The following SAGE1 variants were observed in gnomAD, a reference collection of about 807,000 sequenced individuals.
SAGE1 encodes the protein sarcoma antigen 1, also known as cancer/testis antigen 14.
In SAGE1, 55 loss-of-function variants were observed where a neutral mutation model predicts 55.4. The observed-to-expected ratio is 0.99, with a 90% CI of 0.80 to 1.24. The LOEUF (loss-of-function observed/expected upper bound fraction) is 1.24, where lower values mean the gene tolerates loss of function less well. Ranked by LOEUF, SAGE1 falls within the 50% of genes most tolerant of loss-of-function variation. The pLI, the probability that SAGE1 is intolerant of heterozygous loss-of-function variation, is 0.00. For missense variants in SAGE1, 710 were observed against 704.4 expected, an observed-to-expected ratio of 1.01 and a Z score of -0.09; for synonymous variants, 240 against 244.3, an observed-to-expected ratio of 0.98 and a Z score of 0.17.
intron 3 of SAGE1, among the ~76,000 whole-genome samples, chrX:135,902,293 A>G (rs1167230609): frequency 3.0e-4 from 33 of 111,788 alleles, no homozygotes; most frequent in Admixed American, 2.8e-3. Context: ...TTATACTTCT[A>G]CACTACAACT....
At chrX:135,903,685 G>A (rs1341995049) in intron 3 of SAGE1, among the ~76,000 whole-genome samples, 2 of 112,216 alleles carry the variant, frequency 1.8e-5, no homozygotes, top group Non-Finnish European at 3.8e-5. Flanking sequence ...AAAGGAGGCA[G>A]GTTAAGGAGG....
intron 4 of SAGE1, among the ~76,000 whole-genome samples, chrX:135,904,821 A>G (rs5930813): frequency 0.15 from 16,485 of 110,789 alleles, 1,020 homozygotes; most frequent in Non-Finnish European, 0.18. Context: ...GGGTTGACAT[A>G]ATGCACTTAC....
intron 12 of SAGE1, 43 bp downstream of exon 12, chrX:135,908,660 A>G: frequency 8.9e-7 from 1 of 1,122,552 alleles, no homozygotes; most frequent in East Asian, 3.0e-5. Flanking sequence ...TGATTTCCAT[A>G]TGCATGCATA....
rs372150277 is a variant in SAGE1 at position 135,912,456 on chromosome X, C to T, written c.2615+42C>T. 1.5e-5 allele frequency: 18 copies of T among 1,189,994 alleles called. No individual in the cohort carries two copies. In the African/African-American group the frequency reaches 1.6e-4, roughly 11 times the overall value. On this transcript the variant is annotated intron_variant, in intron 19 of 19. Transcript: ENST00000370709. ...ACTGTGCTATTGTTTTAAGCACTTG[C>T]GCCCAATTTGGGACAGGGGCAGGAA...
chrX:135,907,952 G>A, intron 10 of SAGE1, 111 bp downstream of exon 10: 1 of 1,065,060 alleles, frequency 9.4e-7, no homozygotes, highest in Non-Finnish European at 1.3e-6. Flanking sequence ...CTCAATTTTA[G>A]GGTTTTCAAT....
chrX:135,908,981 C>T lies in SAGE1; in HGVS notation c.1559C>T (p.Pro520Leu), dbSNP rs1556604360. ...QLGHMAAGGI[P>L]SMSTKDLYAT... Reference sequence around the variant, plus strand: ...GGTCATATGGCTGCAGGTGGTATTCCATCCATGAGTACCAAGGATCTGTGT... The same window carrying T: ...GGTCATATGGCTGCAGGTGGTATTCTATCCATGAGTACCAAGGATCTGTGT... The change falls in exon 13 of 20, where the codon CCA (proline) becomes CTA (leucine). Residue 520 changes from proline to leucine, a missense_variant. Pro to Leu is a moderately conservative substitution (Grantham distance 98). Coordinates refer to ENST00000370709, the MANE Select transcript of SAGE1 (RefSeq NM_001381902.1). 1 of 1,208,488 alleles carries T rather than the reference C, an allele frequency of 8.3e-7. No homozygotes were observed. The highest frequency in any genetic ancestry group is 1.8e-5 in the South Asian group (1 of 56,803).
Position 135,908,944 on chromosome X carries a change from G to A in SAGE1, c.1522G>A (p.Ala508Thr). 8.3e-7 allele frequency: 1 copy of A among 1,208,919 alleles called. No individual in the cohort carries two copies. Among genetic ancestry groups the A allele is most frequent in the Non-Finnish European group, 1.1e-6 (1 of 893,209 alleles). Residue 508 changes from alanine to threonine, a missense_variant, in exon 13 of 20, where the codon GCA becomes ACA. Coordinates refer to ENST00000370709, the MANE Select transcript of SAGE1 (RefSeq NM_001381902.1). ...AACTGATAAGGTCATATCAAATGAT[G>A]CACCACAGCTTGGTCATATGGCTGC... ...PQTDKVISND[A>T]PQLGHMAAGG... is the part of the protein sequence containing the mutation.
Position 135,905,240 on chromosome X carries a change from A to G in SAGE1, c.314-12A>G. On this transcript the variant is annotated splice_polypyrimidine_tract_variant and intron_variant, in intron 4 of 19. Transcript: ENST00000370709. The stretch of plus-strand genomic sequence containing the variant: ...CATACCTCACAACTCAACCTGTTCC[A>G]TCGGTTTCCAGATGCTACCATCGCT... 4 of 1,203,691 alleles carry G rather than the reference A, an allele frequency of 3.3e-6. No individual in the cohort carries two copies. Among genetic ancestry groups the G allele is most frequent in the Non-Finnish European group, 4.5e-6 (4 of 889,851 alleles).
chrX:135,906,912 C>T lies in SAGE1; in HGVS notation c.737-14C>T. On this transcript the variant is annotated splice_polypyrimidine_tract_variant and intron_variant, in intron 7 of 19. Coordinates refer to ENST00000370709, the MANE Select transcript of SAGE1 (RefSeq NM_001381902.1). Reference sequence around the variant, plus strand: ...CACTTACCTAACAGCTCAGCCTCTTCATTTGGTTTCCAGATGCTACCATCA... The same window carrying T: ...CACTTACCTAACAGCTCAGCCTCTTTATTTGGTTTCCAGATGCTACCATCA... 1 of 1,206,589 alleles carries T rather than the reference C, an allele frequency of 8.3e-7. No homozygotes were observed.
chrX:135,901,011 C>T (rs1401502841), intron 2 of SAGE1, among the ~76,000 whole-genome samples: 3 of 108,292 alleles, frequency 2.8e-5, no homozygotes, highest in African/African-American at 6.7e-5. Context: ...GGCGTGGTGG[C>T]GGGTGCCTGT....
At chrX:135,898,115 T>G (rs2088615096) in intron 2 of SAGE1, among the ~76,000 whole-genome samples, 1 of 111,700 alleles carries the variant, frequency 9.0e-6, no homozygotes, top group Non-Finnish European at 1.9e-5. Flanking sequence ...CCTCCCGGGC[T>G]CATGCCATTC....
At chrX:135,912,584 A>T in intron 19 of SAGE1, 170 bp downstream of exon 19, 1 of 753,774 alleles carries the variant, frequency 1.3e-6, no homozygotes, top group Non-Finnish European at 1.6e-6. Context: ...ACTTTCTTCC[A>T]ATACCATGGA....
chrX:135,906,429 A>G lies in SAGE1; in HGVS notation c.614A>G (p.Asn205Ser). ...ARDLYATVTHNVCEQKMENVQ... is the reference protein window; with the variant it reads ...ARDLYATVTHSVCEQKMENVQ... The stretch of plus-strand genomic sequence containing the variant: ...TTTCCAGATGCTACAGTCACTCACA[A>G]TGTCTGTGAACAGAAGATGGAAAAT... The change falls in exon 7 of 20, where the codon AAT becomes AGT. Residue 205 changes from asparagine to serine, a missense_variant. Coordinates refer to ENST00000370709, the MANE Select transcript of SAGE1 (RefSeq NM_001381902.1). 1 of 1,210,849 alleles carries G rather than the reference A, an allele frequency of 8.3e-7. No individual in the cohort carries two copies. The highest frequency in any genetic ancestry group is 1.1e-6 in the Non-Finnish European group (1 of 894,809).
chrX:135,907,052 G>A lies in SAGE1; in HGVS notation c.863G>A (p.Ser288Asn), dbSNP rs781985817. Residue 288 changes from serine (S) to asparagine (N), a missense_variant, in exon 8 of 20, where the codon AGC (serine) becomes AAC (asparagine). Transcript: ENST00000370709. ...NVAGAGTPAI[S>N]TNGLYSTVPH... is the part of the protein sequence containing the mutation. ...GCAGGAGCTGGTACTCCAGCCATCA[G>A]CACCAATGGCCTGTGTATGTTTGCT... The A allele has an allele frequency of 8.3e-7, 1 of 1,208,410 alleles. No homozygotes were observed. The highest frequency in any genetic ancestry group is 1.1e-6 in the Non-Finnish European group (1 of 893,478).
intron 18 of SAGE1, 96 bp downstream of exon 18, chrX:135,912,049 G>C (rs1359830734): frequency 1.8e-6 from 2 of 1,133,448 alleles, no homozygotes; most frequent in African/African-American, 3.7e-5. Context: ...CTCATTGTTT[G>C]GCTGAATTGG....
chrX:135,912,488 A>C (rs907543604), intron 19 of SAGE1, 74 bp downstream of exon 19: 40 of 1,185,195 alleles, frequency 3.4e-5, no homozygotes, highest in Non-Finnish European at 4.1e-5. Context: ...GGAAAAAATC[A>C]TGGTTTGTTC....
Position 135,909,560 on chromosome X carries a change from C to T in SAGE1, c.1583-79C>T, listed in dbSNP as rs2088857042. ...GTGTTATGGAACAATTTCTTACAAACTGAACATCAGAGGGATATACCTGTG... is the reference window on the plus strand; with the variant it reads ...GTGTTATGGAACAATTTCTTACAAATTGAACATCAGAGGGATATACCTGTG... On this transcript the variant is annotated intron_variant, in intron 13 of 19. Coordinates refer to ENST00000370709, the MANE Select transcript of SAGE1 (RefSeq NM_001381902.1). 4 of 953,300 alleles carry T rather than the reference C, an allele frequency of 4.2e-6. No individual in the cohort carries two copies. In the South Asian group the frequency reaches 8.4e-5, roughly 20 times the overall value. The allele number at this position is 953,300 out of a possible 1,213,427, so 78.6% of individuals were successfully genotyped here.
intron 4 of SAGE1, 149 bp from the exon 5 acceptor site, chrX:135,905,103 A>T: frequency 1.9e-6 from 1 of 523,141 alleles, no homozygotes; most frequent in Non-Finnish European, 3.1e-6. Context: ...ATCTTTCGTG[A>T]CCTCAACTTA....
intron 2 of SAGE1, among the ~76,000 whole-genome samples, chrX:135,898,241 C>A (rs5930806): frequency 9.1e-6 from 1 of 109,661 alleles, no homozygotes; most frequent in African/African-American, 3.3e-5. Context: ...GGATGGTCTC[C>A]ATCTCCTGAC....
Sources: gnomAD v4.1 joint callset for allele counts (sites outside exome capture counted in the v4.1 genomes callset) on GRCh38, gnomAD v4.1.1 for gene constraint, MANE v1.5 for transcripts, NCBI Gene and HGNC (gene_info 2026-07-23, HGNC 2026-07-21) for gene names.